The following TP53BP2 variants were observed in gnomAD, a reference collection of about 807,000 sequenced individuals.
The protein encoded by TP53BP2 is tumor protein p53 binding protein 2.
In TP53BP2, 62 loss-of-function variants were observed where a neutral mutation model predicts 126.2. The ratio of observed to expected loss-of-function variants is 0.49; its 90% CI spans 0.40 to 0.61. The LOEUF is 0.61. Ranked by LOEUF, TP53BP2 falls within the 20% of genes least tolerant of loss-of-function variation. The pLI, the probability that TP53BP2 is intolerant of heterozygous loss-of-function variation, is 0.00. For missense variants in TP53BP2, 1,215 were observed against 1,402.8 expected, an observed-to-expected ratio of 0.87 and a Z score of 2.14; for synonymous variants, 485 against 502.9, an observed-to-expected ratio of 0.96 and a Z score of 0.48.
chr1:223,826,948 T>A (rs58735682), intron 1 of TP53BP2, among the ~76,000 whole-genome samples: 1,558 of 152,232 alleles, frequency 0.01, 35 homozygotes, highest in African/African-American at 0.036. Flanking sequence ...GTGGACAGAA[T>A]GTGGGATTTG....
chr1:223,845,749 G>T lies in TP53BP2; in HGVS notation c.-69C>A. 1.4e-6 allele frequency: 2 copies of T among 1,428,048 alleles called. No individual in the cohort carries two copies. The highest frequency in any genetic ancestry group is 1.4e-5 in the South Asian group (1 of 70,054). The allele number at this position is 1,428,048 out of a possible 1,614,324, so 88.5% of individuals were successfully genotyped here. ...CCCGGAGGGTCGCGGATGCGGGGGA[G>T]GGGAGCGGAGAGCGAGGCCGCCCGG... On this transcript the variant is annotated 5_prime_UTR_variant, in exon 1 of 18. Coordinates refer to ENST00000343537, the MANE Select transcript of TP53BP2 (RefSeq NM_001031685.3).
At chr1:223,828,317 TCA>T in intron 1 of TP53BP2, among the ~76,000 whole-genome samples, 1 of 152,320 alleles carries the variant, frequency 6.6e-6, no homozygotes, top group African/African-American at 2.4e-5. Context: ...GAAACTATAT[TCA>T]CCAAATTAAC....
chr1:223,823,992 T>A (rs990141204), intron 1 of TP53BP2, among the ~76,000 whole-genome samples: 5 of 152,224 alleles, frequency 3.3e-5, no homozygotes, highest in African/African-American at 9.7e-5. Context: ...CTCTGTAAAC[T>A]TCATCTTTCA....
chr1:223,795,299 G>A (rs1477663990), intron 13 of TP53BP2, among the ~76,000 whole-genome samples: 1 of 152,184 alleles, frequency 6.6e-6, no homozygotes, highest in African/African-American at 2.4e-5. Flanking sequence ...GGGCCCCTCA[G>A]CCCAGTTACC....
intron 1 of TP53BP2, among the ~76,000 whole-genome samples, chr1:223,835,816 A>T (rs761903363): frequency 6.6e-6 from 1 of 152,222 alleles, no homozygotes; most frequent in Non-Finnish European, 1.5e-5. Flanking sequence ...CTTATGGAAC[A>T]ATGAAGAAGC....
Position 223,800,042 on chromosome 1 carries a change from C to T in TP53BP2, c.1342G>A (p.Asp448Asn). 1.9e-6 allele frequency: 3 copies of T among 1,600,852 alleles called. No homozygotes were observed. Among genetic ancestry groups the T allele is most frequent in the Non-Finnish European group, 2.6e-6 (3 of 1,175,974 alleles). ...TTCTCCCTCAGCGGAACCTCTCCAT[C>T]ATCAACTAAAGACAAAAAAATCACA... The part of the protein sequence containing the change: ...STGNALDQVD[D>N]GEVPLREKEK... Residue 448 changes from aspartate (D) to asparagine (N), a missense_variant, in exon 11 of 18, where the codon GAT becomes AAT. Asp to Asn is a conservative substitution (Grantham distance 23). Transcript: ENST00000343537.
At chr1:223,823,734 C>T (rs890321505) in intron 1 of TP53BP2, among the ~76,000 whole-genome samples, 2 of 152,192 alleles carry the variant, frequency 1.3e-5, no homozygotes, top group African/African-American at 2.4e-5. Flanking sequence ...GTCTGCTGCT[C>T]CCAAAGTATA....
chr1:223,792,078 T>A (rs1662174479), intron 15 of TP53BP2, among the ~76,000 whole-genome samples: 1 of 152,224 alleles, frequency 6.6e-6, no homozygotes, highest in Admixed American at 6.5e-5. Context: ...ATACCTTGCC[T>A]AAATCAGCAC....
At chr1:223,790,889 G>C (rs1662135023) in intron 15 of TP53BP2, among the ~76,000 whole-genome samples, 1 of 151,988 alleles carries the variant, frequency 6.6e-6, no homozygotes, top group Non-Finnish European at 1.5e-5. Context: ...ACAGGTATTA[G>C]CCACCATGCC....
intron 12 of TP53BP2, 103 bp downstream of exon 12, chr1:223,798,112 C>T (rs1571846834): frequency 2.6e-6 from 3 of 1,139,136 alleles, no homozygotes; most frequent in Admixed American, 2.3e-5. Flanking sequence ...AAACCCTTAG[C>T]GTCAGTCAAA....
At chr1:223,834,741 T>C in intron 1 of TP53BP2, 1 of 823,156 alleles carries the variant, frequency 1.2e-6, no homozygotes. Context: ...TCCTACTCTG[T>C]CCTGTAGTGT....
At chr1:223,818,718 G>A (rs1304099603) in intron 2 of TP53BP2, among the ~76,000 whole-genome samples, 2 of 151,132 alleles carry the variant, frequency 1.3e-5, no homozygotes, top group African/African-American at 2.4e-5. Flanking sequence ...GGGATTACAG[G>A]TGTCCACCAT....
Position 223,799,945 on chromosome 1 carries a change from G to A in TP53BP2, c.1439C>T (p.Thr480Ile), listed in dbSNP as rs1222824302. 6.2e-7 allele frequency: 1 copy of A among 1,612,218 alleles called. No individual in the cohort carries two copies. The change falls in exon 11 of 18, where the codon ACT (threonine) becomes ATT (isoleucine). Residue 480 changes from threonine to isoleucine, a missense_variant. By Grantham distance (89) the Thr-to-Ile change is moderately conservative (BLOSUM62 -1). This residue lies in a region of TP53BP2 where 814 missense variants were observed against 853.0 expected (regional missense o/e 0.95). Transcript: ENST00000343537. ...TTCACTGCTCTGGTTCTTCCTCAGA[G>A]TACCAAAGGAAGGTGGGGCATTGGA... ...DQSNAPPSFG[T>I]LRKNQSSEDI...
At chr1:223,805,659 C>G (rs909743476) in intron 5 of TP53BP2, among the ~76,000 whole-genome samples, 6 of 152,120 alleles carry the variant, frequency 3.9e-5, no homozygotes, top group African/African-American at 1.4e-4. Flanking sequence ...GTAACTTTGC[C>G]CATGACAAAC....
intron 1 of TP53BP2, among the ~76,000 whole-genome samples, chr1:223,831,120 T>C (rs1437405407): frequency 6.6e-6 from 1 of 151,088 alleles, no homozygotes; most frequent in African/African-American, 2.4e-5. Context: ...GGGTGGCTCC[T>C]GCCTGTAATC....
At chr1:223,810,013 A>G (rs1390523357) in intron 4 of TP53BP2, among the ~76,000 whole-genome samples, 1 of 152,060 alleles carries the variant, frequency 6.6e-6, no homozygotes, top group African/African-American at 2.4e-5. Flanking sequence ...TTTAGTGGAG[A>G]TGGGGTTTCT....
Position 223,779,963 on chromosome 1 carries a change from T to C in TP53BP2, c.*890A>G, listed in dbSNP as rs1032652074. Reference sequence around the variant, plus strand: ...GAATCACTTAGCTGGTAAAAAACTCTTATTACGATACATATACTTATGTTA... The same window carrying C: ...GAATCACTTAGCTGGTAAAAAACTCCTATTACGATACATATACTTATGTTA... On this transcript the variant is annotated 3_prime_UTR_variant, in exon 18 of 18. Coordinates refer to ENST00000343537, the MANE Select transcript of TP53BP2 (RefSeq NM_001031685.3). 1.3e-5 allele frequency: 2 copies of C among 152,242 alleles called. No individual in the cohort carries two copies. Among genetic ancestry groups the C allele is most frequent in the East Asian group, 3.8e-4 (2 of 5,200 alleles). 9.4% of individuals were successfully genotyped at this position (152,242 alleles called of 1,614,324 possible).
intron 4 of TP53BP2, 120 bp from the exon 5 acceptor site, chr1:223,807,067 C>T (rs1181852056): frequency 2.4e-5 from 15 of 613,522 alleles, no homozygotes; most frequent in Non-Finnish European, 2.5e-5. Flanking sequence ...AATTATTTAG[C>T]GATTTTTCTT....
intron 1 of TP53BP2, among the ~76,000 whole-genome samples, chr1:223,835,534 T>C (rs1358059102): frequency 6.6e-6 from 1 of 152,232 alleles, no homozygotes; most frequent in Non-Finnish European, 1.5e-5. Flanking sequence ...CATTCTGTTT[T>C]TTACTTTTAC....
Sources: gnomAD v4.1 joint callset for allele counts (sites outside exome capture counted in the v4.1 genomes callset) on GRCh38, gnomAD v4.1.1 for gene constraint, gnomAD v4.1.1 regional missense constraint, MANE v1.5 for transcripts, NCBI Gene and HGNC (gene_info 2026-07-23, HGNC 2026-07-21) for gene names.